Variants in CCDC6 observed in about 807,000 individuals in gnomAD.
CCDC6 encodes coiled-coil domain containing 6, also known as coiled-coil domain-containing protein 6.
A neutral mutation model predicts 56.6 loss-of-function variants in CCDC6; 20 were observed. The observed-to-expected ratio is 0.35, with a 90% confidence interval of 0.25 to 0.51. The LOEUF (loss-of-function observed/expected upper bound fraction) is 0.51. Ranked by LOEUF, CCDC6 falls within the 20% of genes least tolerant of loss-of-function variation. The pLI is 0.95. For synonymous variants in CCDC6, 241 were observed against 234.4 expected (o/e 1.03, Z -0.26); for missense variants, 367 against 601.1 (o/e 0.61, Z 4.07).
chr10:59,902,600 T>C (rs965560425), intron 1 of CCDC6, among the ~76,000 whole-genome samples: 2 of 152,030 alleles, frequency 1.3e-5, no homozygotes, highest in African/African-American at 2.4e-5. Context: ...GGTTTCACCA[T>C]GTTGGCCAGG....
rs1428689678 is a variant in CCDC6, at chr10:59,862,552, C to CAT, written c.304-9851_304-9850insAT. ...ACACACACACACACACACACACACA[C>CAT]ACACATATATATACACATACACACA... On this transcript the variant is annotated intron_variant, in intron 1 of 8. Coordinates refer to ENST00000263102, the MANE Select transcript of CCDC6 (RefSeq NM_005436.5). 4.9e-5 allele frequency among the ~76,000 whole-genome samples: 4 copies of CAT among 81,584 alleles called. 1 individual carries two copies. Among genetic ancestry groups the CAT allele is most frequent in the African/African-American group, 2.4e-4 (4 of 16,814 alleles). The allele number at this position is 81,584 out of a possible 152,430, so 53.5% of individuals were successfully genotyped here.
intron 5 of CCDC6, among the ~76,000 whole-genome samples, chr10:59,811,036 T>C (rs1008407308): frequency 5.3e-5 from 8 of 152,084 alleles, no homozygotes; most frequent in Non-Finnish European, 1.2e-4. Context: ...CCTCTAGAGC[T>C]GGAAAAGGCG....
Position 59,906,311 on chromosome 10 carries a change from C to T in CCDC6, c.114G>A (p.Gly38=), listed in dbSNP as rs1554888797. 15 of 1,601,022 alleles carry T rather than the reference C, an allele frequency of 9.4e-6. No homozygotes were observed. In the South Asian group the frequency reaches 1.2e-4, roughly 13 times the overall value. The part of the protein sequence containing the change: ...SSTSGGGGGG[G]GGGGGGKSGG... ...CCGACTTCCCACCGCCGCCGCCTCC[C>T]CCGCCGCCACCGCCGCCGCCCGAGG... Residue 38 remains glycine, a synonymous_variant, in exon 1 of 9, where the codon GGG becomes GGA. Transcript: ENST00000263102.
chr10:59,794,156 T>C (rs888719812), intron 8 of CCDC6, among the ~76,000 whole-genome samples: 1 of 152,168 alleles, frequency 6.6e-6, no homozygotes, highest in East Asian at 1.9e-4. Context: ...TAAATATCTT[T>C]AGACATTATG....
intron 1 of CCDC6, among the ~76,000 whole-genome samples, chr10:59,889,125 A>AG (rs2071403493): frequency 6.6e-6 from 1 of 152,292 alleles, no homozygotes; most frequent in East Asian, 1.9e-4. Context: ...AGGCATCCCA[A>AG]GATGCTCCCC....
intron 1 of CCDC6, among the ~76,000 whole-genome samples, chr10:59,855,729 T>C (rs1427776692): frequency 6.6e-6 from 1 of 152,230 alleles, no homozygotes; most frequent in African/African-American, 2.4e-5. Context: ...CACAGAACTA[T>C]ATACTTTAAA....
rs924035966 is a variant in CCDC6 at position 59,792,179 on chromosome 10, G to A, written c.*738C>T. 8.2e-6 allele frequency: 2 copies of A among 242,936 alleles called. No homozygotes were observed. The highest frequency in any genetic ancestry group is 4.4e-5 in the African/African-American group (2 of 45,060). The allele number at this position is 242,936 out of a possible 1,614,324, so 15.0% of individuals were successfully genotyped here. On this transcript the variant is annotated 3_prime_UTR_variant, in exon 9 of 9. Coordinates refer to ENST00000263102, the MANE Select transcript of CCDC6 (RefSeq NM_005436.5). ...ACATTTATCGACTCATGTTAGAGGG[G>A]GCCAGGTTAAGTAGATTAACATTAA...
At chr10:59,879,212 C>G (rs773013740) in intron 1 of CCDC6, among the ~76,000 whole-genome samples, 1 of 152,088 alleles carries the variant, frequency 6.6e-6, no homozygotes, top group Non-Finnish European at 1.5e-5. Context: ...ACTTAAGAAA[C>G]CTGAAAACAA....
chr10:59,896,798 T>C (rs946368245), intron 1 of CCDC6, among the ~76,000 whole-genome samples: 5 of 149,896 alleles, frequency 3.3e-5, no homozygotes, highest in African/African-American at 1.3e-4. Flanking sequence ...CACTGAATTG[T>C]ACACTTACAA....
At chr10:59,840,597 C>T (rs914992580) in intron 2 of CCDC6, among the ~76,000 whole-genome samples, 4 of 152,200 alleles carry the variant, frequency 2.6e-5, no homozygotes, top group Non-Finnish European at 4.4e-5. Flanking sequence ...AGAGTCAGAA[C>T]CTCTGTCCCA....
At chr10:59,860,808 G>A (rs1394941468) in intron 1 of CCDC6, among the ~76,000 whole-genome samples, 2 of 152,168 alleles carry the variant, frequency 1.3e-5, no homozygotes, top group Non-Finnish European at 1.5e-5. Flanking sequence ...AGCACTTTAG[G>A]AGGCCAAGGC....
At chr10:59,904,355 T>C (rs532596848) in intron 1 of CCDC6, among the ~76,000 whole-genome samples, 6 of 152,346 alleles carry the variant, frequency 3.9e-5, no homozygotes, top group African/African-American at 1.4e-4. Context: ...ACGGTCTAAG[T>C]GTCAAACAGA....
chr10:59,851,708 T>C (rs2071041097), intron 2 of CCDC6, among the ~76,000 whole-genome samples: 1 of 152,192 alleles, frequency 6.6e-6, no homozygotes, highest in African/African-American at 2.4e-5. Flanking sequence ...TTAATGAAAT[T>C]GTTATTGATG....
Position 59,804,481 on chromosome 10 carries a change from G to A in CCDC6, c.1044C>T (p.Arg348=). 1 of 1,613,074 alleles carries A rather than the reference G, an allele frequency of 6.2e-7. No homozygotes were observed. Among genetic ancestry groups the A allele is most frequent in the East Asian group, 2.2e-5 (1 of 44,864 alleles). The part of the protein sequence containing the change: ...NEMSAQGLRP[R]TVSSPIPYTP... ...TGTAAGGGATCGGGCTGGACACAGTGCGAGGTCTTAATCCTTGTGCAGACA... is the reference window on the plus strand; with the variant it reads ...TGTAAGGGATCGGGCTGGACACAGTACGAGGTCTTAATCCTTGTGCAGACA... Residue 348 remains arginine (R), a synonymous_variant, in exon 7 of 9, where the codon CGC becomes CGT. Coordinates refer to ENST00000263102, the MANE Select transcript of CCDC6 (RefSeq NM_005436.5).
chr10:59,901,444 T>C (rs1014783667), intron 1 of CCDC6, among the ~76,000 whole-genome samples: 5 of 152,264 alleles, frequency 3.3e-5, no homozygotes, highest in African/African-American at 7.2e-5. Context: ...GCAGATTTTA[T>C]TGGTTAATGA....
chr10:59,849,444 T>A (rs2132654714), intron 2 of CCDC6, among the ~76,000 whole-genome samples: 1 of 152,338 alleles, frequency 6.6e-6, no homozygotes, highest in South Asian at 2.1e-4. Flanking sequence ...TAAGCAAACT[T>A]GATTCTATTT....
chr10:59,881,246 C>T (rs1456017586), intron 1 of CCDC6, among the ~76,000 whole-genome samples: 1 of 152,152 alleles, frequency 6.6e-6, no homozygotes, highest in Non-Finnish European at 1.5e-5. Flanking sequence ...GACAGTCACC[C>T]CAGCCCAGAG....
intron 4 of CCDC6, among the ~76,000 whole-genome samples, chr10:59,812,998 T>C (rs1041285861): frequency 1.3e-5 from 2 of 152,200 alleles, no homozygotes; most frequent in Admixed American, 6.5e-5. Flanking sequence ...CTGATTCTAA[T>C]CTCCCTTTTT....
At chr10:59,847,548 C>G (rs1314132814) in intron 2 of CCDC6, among the ~76,000 whole-genome samples, 4 of 152,032 alleles carry the variant, frequency 2.6e-5, no homozygotes, top group Non-Finnish European at 5.9e-5. Flanking sequence ...TGCACTGCTG[C>G]CCATGACAAA....
Sources: gnomAD v4.1 joint callset for allele counts (sites outside exome capture counted in the v4.1 genomes callset) on GRCh38, gnomAD v4.1.1 for gene constraint, MANE v1.5 for transcripts, NCBI Gene and HGNC (gene_info 2026-07-23, HGNC 2026-07-21) for gene names.